USP15: variants seen among roughly 807,000 people sequenced by gnomAD.
The protein encoded by USP15 is ubiquitin carboxyl-terminal hydrolase 15.
USP15 carries 18 observed loss-of-function variants against 127.1 expected under a neutral mutation model. The ratio of observed to expected loss-of-function variants is 0.14; its 90% CI spans 0.10 to 0.21. The LOEUF (loss-of-function observed/expected upper bound fraction) is 0.21. Among genes scored for constraint, USP15 ranks in the 10% least tolerant of loss-of-function variants. The probability of loss-of-function intolerance (pLI) is 1.00; values close to 1 mark genes in which losing one functional copy is unlikely to be tolerated. For missense variants in USP15, 805 were observed against 1,159.9 expected (o/e 0.69, Z 4.44); for synonymous variants, 364 against 393.7 (o/e 0.92, Z 0.89).
intron 17 of USP15, 131 bp downstream of exon 17, chr12:62,392,017 C>T (rs1435027655): frequency 1.0e-6 from 1 of 967,520 alleles, no homozygotes; most frequent in Non-Finnish European, 1.5e-6. Flanking sequence ...AAAAATTGGT[C>T]ATGAACTAGA....
At chr12:62,309,120 A>G (rs139902110) in intron 3 of USP15, among the ~76,000 whole-genome samples, 2,167 of 151,898 alleles carry the variant, frequency 0.014, 136 homozygotes, top group Admixed American at 0.12. Context: ...ACATTAAATG[A>G]ACAAAATTCA....
chr12:62,262,122 C>T (rs1053926985), intron 1 of USP15, among the ~76,000 whole-genome samples: 1 of 151,980 alleles, frequency 6.6e-6, no homozygotes, highest in African/African-American at 2.4e-5. Flanking sequence ...CCTGTGGTCC[C>T]AGCTACTCAG....
intron 5 of USP15, among the ~76,000 whole-genome samples, chr12:62,322,636 A>G (rs2065016292): frequency 6.6e-6 from 1 of 151,622 alleles, no homozygotes; most frequent in Non-Finnish European, 1.5e-5. Flanking sequence ...TTTTTTTGTT[A>G]TTAGCAGATA....
At chr12:62,366,888 C>T (rs1231728107) in intron 8 of USP15, among the ~76,000 whole-genome samples, 2 of 152,172 alleles carry the variant, frequency 1.3e-5, no homozygotes, top group Non-Finnish European at 2.9e-5. Context: ...CCTTGCATCC[C>T]AGGGATGAAG....
intron 5 of USP15, among the ~76,000 whole-genome samples, chr12:62,323,396 A>C (rs982901098): frequency 6.6e-6 from 1 of 152,178 alleles, no homozygotes; most frequent in East Asian, 1.9e-4. Context: ...AATTCAGATA[A>C]AGTGAGGGAA....
At chr12:62,317,819 T>C (rs1335563052) in intron 4 of USP15, among the ~76,000 whole-genome samples, 4 of 152,214 alleles carry the variant, frequency 2.6e-5, no homozygotes, top group Non-Finnish European at 5.9e-5. Context: ...ATGATTTACC[T>C]ATCAGGGCCA....
At chr12:62,315,327 G>A (rs1038100493) in intron 4 of USP15, among the ~76,000 whole-genome samples, 1 of 151,894 alleles carries the variant, frequency 6.6e-6, no homozygotes, top group Admixed American at 6.6e-5. Flanking sequence ...AGCAGGCTTA[G>A]CGTTATTTTG....
intron 6 of USP15, chr12:62,336,224 A>T (rs1383598548): frequency 2.0e-6 from 2 of 985,330 alleles, no homozygotes; most frequent in Non-Finnish European, 2.4e-6. Context: ...AAAATATGCC[A>T]TTCTGTATTT....
intron 3 of USP15, chr12:62,305,968 G>A (rs763122062): frequency 3.3e-5 from 5 of 152,210 alleles, no homozygotes; most frequent in Non-Finnish European, 4.4e-5. Context: ...TGCATATGGC[G>A]AGGACACTCA....
chr12:62,328,696 A>G (rs560253446), intron 6 of USP15, among the ~76,000 whole-genome samples: 1 of 152,276 alleles, frequency 6.6e-6, no homozygotes, highest in East Asian at 1.9e-4. Context: ...GTTAGCATAG[A>G]CCAATACAGG....
At chr12:62,396,714 A>C (rs1047760416) in intron 20 of USP15, among the ~76,000 whole-genome samples, 1 of 152,068 alleles carries the variant, frequency 6.6e-6, no homozygotes, top group Non-Finnish European at 1.5e-5. Flanking sequence ...GTAAATCATT[A>C]ATATTTATTC....
chr12:62,321,627 C>T lies in USP15; in HGVS notation c.621+18C>T. On this transcript the variant is annotated intron_variant, in intron 5 of 21. Transcript: ENST00000280377. ...AAGGACAGGTATTGTTTATTTTAAGCATACTGTATTATACATGAAGGTTTT... is the reference window on the plus strand; with the variant it reads ...AAGGACAGGTATTGTTTATTTTAAGTATACTGTATTATACATGAAGGTTTT... 2.0e-6 allele frequency: 3 copies of T among 1,530,468 alleles called. No homozygotes were observed. Among genetic ancestry groups the T allele is most frequent in the Non-Finnish European group, 2.6e-6 (3 of 1,143,552 alleles). The allele number at this position is 1,530,468 out of a possible 1,614,324, so 94.8% of individuals were successfully genotyped here. A position where few individuals can be genotyped will look rare whatever the true frequency, so the allele number is the denominator to read the frequency against.
chr12:62,303,734 C>A (rs1419659568), intron 3 of USP15: 4 of 151,980 alleles, frequency 2.6e-5, no homozygotes, highest in African/African-American at 9.7e-5. Flanking sequence ...GCCATGTTAA[C>A]AATTTGTATT....
At position 62,393,183 on chromosome 12, in the gene USP15, T is replaced by G; in HGVS notation, c.2551T>G (p.Leu851Val). Reference sequence around the variant, plus strand: ...ATACATGAGAGACAAGTTGGATACCTTAGTTGATTTTCCTATCAAGTAAGC... The same window carrying G: ...ATACATGAGAGACAAGTTGGATACCGTAGTTGATTTTCCTATCAAGTAAGC... Reference protein sequence around the residue: ...SRYMRDKLDTLVDFPINDLDM... With the variant: ...SRYMRDKLDTVVDFPINDLDM... Residue 851 changes from leucine to valine, a missense_variant, in exon 19 of 22, where the codon TTA (leucine) becomes GTA (valine). By Grantham distance (32) the Leu-to-Val change is conservative (BLOSUM62 1). This residue lies in a region of USP15 where 116 missense variants were observed against 157.2 expected (regional missense o/e 0.74). Coordinates refer to ENST00000280377, the MANE Select transcript of USP15 (RefSeq NM_001252078.2). The G allele has an allele frequency of 6.2e-7, 1 of 1,612,454 alleles. No homozygotes were observed. The highest frequency in any genetic ancestry group is 1.1e-5 in the South Asian group (1 of 90,734).
chr12:62,268,943 A>G (rs535601044), intron 1 of USP15, among the ~76,000 whole-genome samples: 49 of 151,964 alleles, frequency 3.2e-4, no homozygotes, highest in African/African-American at 1.2e-3. Context: ...CTACTAATCT[A>G]TTTTCTGTCT....
chr12:62,381,171 A>C (rs1338935748), intron 8 of USP15, among the ~76,000 whole-genome samples: 1 of 152,162 alleles, frequency 6.6e-6, no homozygotes, highest in Non-Finnish European at 1.5e-5. Context: ...AATTTCTACC[A>C]ATCAAGTAAA....
chr12:62,323,615 G>A lies in USP15; in HGVS notation c.621+2006G>A, dbSNP rs367928942. On this transcript the variant is annotated intron_variant, in intron 5 of 21. Coordinates refer to ENST00000280377, the MANE Select transcript of USP15 (RefSeq NM_001252078.2). ...TGATTAGCCAACACCGCCCTTTTATGTAGCCAGCTCTCTCTTTCTGTCTTC... is the reference window on the plus strand; with the variant it reads ...TGATTAGCCAACACCGCCCTTTTATATAGCCAGCTCTCTCTTTCTGTCTTC... Among the ~76,000 whole-genome samples, 9 of 152,262 alleles carry A rather than the reference G, an allele frequency of 5.9e-5. No individual in the cohort carries two copies. The East Asian group carries it at 1.2e-3, about 20-fold the overall frequency.
At chr12:62,319,553 C>T (rs2064926551) in intron 4 of USP15, among the ~76,000 whole-genome samples, 1 of 152,202 alleles carries the variant, frequency 6.6e-6, no homozygotes, top group Admixed American at 6.5e-5. Context: ...TTTATAGTCT[C>T]ATTTCTACCT....
rs2067887272 is a variant in USP15 at position 62,406,984 on chromosome 12, A to C, written c.*2609A>C. The C allele has an allele frequency of 6.6e-6, 1 of 152,100 alleles. No homozygotes were observed. The highest frequency in any genetic ancestry group is 2.4e-5 in the African/African-American group (1 of 41,398). The allele number at this position is 152,100 out of a possible 1,614,324, so 9.4% of individuals were successfully genotyped here. A position where few individuals can be genotyped will look rare whatever the true frequency, so the allele number is the denominator to read the frequency against. On this transcript the variant is annotated 3_prime_UTR_variant, in exon 22 of 22. Transcript: ENST00000280377. Reference sequence around the variant, plus strand: ...TGTCTCAAAAAAAAAAAAGATATTCATAGGTAATACAGGGTAATGGGAATA... The same window carrying C: ...TGTCTCAAAAAAAAAAAAGATATTCCTAGGTAATACAGGGTAATGGGAATA...
Sources: gnomAD v4.1 joint callset for allele counts (sites outside exome capture counted in the v4.1 genomes callset) on GRCh38, gnomAD v4.1.1 for gene constraint, gnomAD v4.1.1 regional missense constraint, MANE v1.5 for transcripts, NCBI Gene and HGNC (gene_info 2026-07-23, HGNC 2026-07-21) for gene names.